Variants in NRXN1 observed in about 807,000 individuals in gnomAD.
NRXN1 encodes neurexin 1.
A neutral mutation model predicts 150.9 loss-of-function variants in NRXN1; 39 were observed. That is an observed-to-expected ratio of 0.26 (90% confidence interval 0.20 to 0.34). The LOEUF (loss-of-function observed/expected upper bound fraction) is 0.34. NRXN1 is among the 10% of genes least tolerant of loss of function. The pLI, the probability that NRXN1 is intolerant of heterozygous loss-of-function variation, is 1.00. For synonymous variants in NRXN1, 924 were observed against 757.0 expected (o/e 1.22, Z -3.62); for missense variants, 1,815 against 1,949.9 (o/e 0.93, Z 1.30).
intron 17 of NRXN1, among the ~76,000 whole-genome samples, chr2:50,419,397 C>T (rs1270579312): frequency 1.3e-5 from 2 of 152,030 alleles, no homozygotes; most frequent in Non-Finnish European, 2.9e-5. Flanking sequence ...ATCAGCTGGA[C>T]CCTGACCTGC....
intron 8 of NRXN1, among the ~76,000 whole-genome samples, chr2:50,614,658 T>A (rs1427456148): frequency 8.7e-4 from 71 of 81,944 alleles, no homozygotes; most frequent in South Asian, 3.6e-3. Context: ...TATATATATA[T>A]AAAATAAAAA....
chr2:50,143,822 T>C (rs766732045), intron 18 of NRXN1, among the ~76,000 whole-genome samples: 36 of 151,958 alleles, frequency 2.4e-4, no homozygotes, highest in Admixed American at 1.1e-3. Flanking sequence ...CCCAGCGTAA[T>C]TGCTCAGTGA....
At chr2:49,968,276 C>A (rs1223121911) in intron 21 of NRXN1, among the ~76,000 whole-genome samples, 1 of 151,978 alleles carries the variant, frequency 6.6e-6, no homozygotes, top group Non-Finnish European at 1.5e-5. Context: ...GCCAAAGTGT[C>A]CAATTTACTT....
chr2:50,169,766 C>T (rs909505578), intron 18 of NRXN1, among the ~76,000 whole-genome samples: 4 of 146,756 alleles, frequency 2.7e-5, no homozygotes, highest in Non-Finnish European at 4.5e-5. Flanking sequence ...AGATGGAGGA[C>T]GGGGGATGGA....
chr2:50,289,471 T>G (rs1274977874), intron 17 of NRXN1, among the ~76,000 whole-genome samples: 1 of 152,148 alleles, frequency 6.6e-6, no homozygotes, highest in Non-Finnish European at 1.5e-5. Flanking sequence ...TGCCTTTTCA[T>G]ATGAATGTGT....
At chr2:50,983,151 T>C (rs749786951) in intron 2 of NRXN1, among the ~76,000 whole-genome samples, 4 of 152,100 alleles carry the variant, frequency 2.6e-5, no homozygotes, top group Non-Finnish European at 4.4e-5. Context: ...AGTCTAGATA[T>C]AGTATAAATA....
At chr2:50,943,855 T>G (rs1254473250) in intron 2 of NRXN1, among the ~76,000 whole-genome samples, 2 of 152,216 alleles carry the variant, frequency 1.3e-5, no homozygotes, top group African/African-American at 4.8e-5. Flanking sequence ...AGAGAGAAAA[T>G]AATTTACTAT....
chr2:50,693,051 C>T (rs970123948), intron 5 of NRXN1, among the ~76,000 whole-genome samples: 1 of 152,166 alleles, frequency 6.6e-6, no homozygotes, highest in East Asian at 1.9e-4. Context: ...GATGCAAAGT[C>T]GAGAAACTTA....
At chr2:50,454,380 G>C (rs938025678) in intron 17 of NRXN1, among the ~76,000 whole-genome samples, 1 of 151,772 alleles carries the variant, frequency 6.6e-6, no homozygotes, top group African/African-American at 2.4e-5. Context: ...ACAAATCAGG[G>C]CTGCTGCAAT....
intron 2 of NRXN1, among the ~76,000 whole-genome samples, chr2:51,021,024 G>A (rs1234533602): frequency 2.6e-5 from 4 of 151,780 alleles, no homozygotes; most frequent in Non-Finnish European, 4.4e-5. Context: ...AGCAAAGGCC[G>A]TGTAAATTTA....
At chr2:50,045,823 T>C (rs1049896487) in intron 21 of NRXN1, among the ~76,000 whole-genome samples, 1 of 152,184 alleles carries the variant, frequency 6.6e-6, no homozygotes. Flanking sequence ...CTGTCATGTA[T>C]CGACTAGGTA....
intron 17 of NRXN1, among the ~76,000 whole-genome samples, chr2:50,378,151 C>G (rs1250511882): frequency 6.6e-6 from 1 of 152,096 alleles, no homozygotes; most frequent in African/African-American, 2.4e-5. Context: ...ATGCATTAGT[C>G]AATAAGTTTG....
chr2:50,115,736 A>T (rs930985586), intron 18 of NRXN1, among the ~76,000 whole-genome samples: 3 of 152,080 alleles, frequency 2.0e-5, no homozygotes, highest in African/African-American at 4.8e-5. Context: ...AAACTTTGCA[A>T]TCTATGACAG....
At chr2:50,049,863 C>T (rs1692419932) in intron 21 of NRXN1, among the ~76,000 whole-genome samples, 1 of 151,996 alleles carries the variant, frequency 6.6e-6, no homozygotes, top group Non-Finnish European at 1.5e-5. Flanking sequence ...TTTATACCAC[C>T]AATAGTTTTT....
chr2:50,499,165 TATG>T (rs2091810442), intron 13 of NRXN1, among the ~76,000 whole-genome samples: 1 of 152,188 alleles, frequency 6.6e-6, no homozygotes, highest in South Asian at 2.1e-4. Flanking sequence ...AAACTGTTTA[TATG>T]TTTGCTTAAG....
chr2:50,965,941 A>C (rs1694002224), intron 2 of NRXN1, among the ~76,000 whole-genome samples: 1 of 151,516 alleles, frequency 6.6e-6, no homozygotes, highest in African/African-American at 2.4e-5. Flanking sequence ...TAAATAGCTT[A>C]CTACTACTTT....
At chr2:50,809,447 A>G (rs1438084465) in intron 5 of NRXN1, among the ~76,000 whole-genome samples, 2 of 152,126 alleles carry the variant, frequency 1.3e-5, no homozygotes, top group Non-Finnish European at 2.9e-5. Context: ...AAAATAAATC[A>G]AACACAATTC....
chr2:49,922,299 C>A (rs201597329), intron 22 of NRXN1, 48 bp from the exon 23 acceptor site: 1 of 1,532,408 alleles, frequency 6.5e-7, no homozygotes, highest in African/African-American at 1.4e-5. Flanking sequence ...ATTGAGTTCA[C>A]TGAATACCAG....
intron 17 of NRXN1, among the ~76,000 whole-genome samples, chr2:50,409,810 C>T (rs1023471495): frequency 6.6e-6 from 1 of 152,146 alleles, no homozygotes; most frequent in Non-Finnish European, 1.5e-5. Flanking sequence ...GAATTTAGTG[C>T]AACCTGATAG....
Sources: gnomAD v4.1 joint callset for allele counts (sites outside exome capture counted in the v4.1 genomes callset) on GRCh38, gnomAD v4.1.1 for gene constraint, MANE v1.5 for transcripts, NCBI Gene and HGNC (gene_info 2026-07-23, HGNC 2026-07-21) for gene names.